The following C5orf52 variants were observed in gnomAD, a reference collection of about 807,000 sequenced individuals.
C5orf52 encodes chromosome 5 open reading frame 52.
C5orf52 carries 15 observed loss-of-function variants against 16.8 expected under a neutral mutation model. The ratio of observed to expected loss-of-function variants is 0.89; its 90% CI spans 0.60 to 1.38. C5orf52 has a LOEUF of 1.38. Ranked by LOEUF, C5orf52 falls within the 40% of genes most tolerant of loss-of-function variation. The pLI is 0.00. For missense variants in C5orf52, 206 were observed against 213.1 expected (o/e 0.97, Z 0.21); for synonymous variants, 83 against 87.2 (o/e 0.95, Z 0.27).
intron 2 of C5orf52, 98 bp downstream of exon 2, chr5:157,675,298 G>A: frequency 1.3e-6 from 1 of 759,646 alleles, no homozygotes; most frequent in Non-Finnish European, 2.2e-6. Flanking sequence ...GAGGTGATAG[G>A]GAGTCATCAA....
rs1397793406 is a variant in C5orf52, at chr5:157,675,103, C to T, written c.224C>T (p.Ser75Phe). Residue 75 changes from serine (S) to phenylalanine (F), a missense_variant, in exon 2 of 3, where the codon TCC (serine) becomes TTC (phenylalanine). Ser to Phe is a radical substitution (Grantham distance 155, BLOSUM62 -2). Transcript: ENST00000409999. ...QQPVLFSLMN[S>F]SEAAMKKTLP... ...CCTCCCTGCTCCAGCTTAATGAATT[C>T]CAGTGAAGCAGCGATGAAAAAAACT... 1 of 1,549,530 alleles carries T rather than the reference C, an allele frequency of 6.5e-7. No homozygotes were observed. Among genetic ancestry groups the T allele is most frequent in the East Asian group, 2.4e-5 (1 of 40,914 alleles).
At chr5:157,670,956 C>T (rs1301175876), upstream of C5orf52, among the ~76,000 whole-genome samples, 1 of 152,194 alleles carries the variant, frequency 6.6e-6, no homozygotes, top group East Asian at 1.9e-4. Flanking sequence ...GAGCGAGGCA[C>T]CACTTATAGG....
At chr5:157,679,543 G>T (rs1759968638) in intron 2 of C5orf52, among the ~76,000 whole-genome samples, 1 of 152,106 alleles carries the variant, frequency 6.6e-6, no homozygotes, top group African/African-American at 2.4e-5. Context: ...CACCTTGTTG[G>T]CCAGGCTGCT....
intron 2 of C5orf52, 84 bp from the exon 3 acceptor site, chr5:157,679,757 C>T (rs895683724): frequency 1.5e-6 from 2 of 1,306,990 alleles, no homozygotes; most frequent in African/African-American, 3.0e-5. Flanking sequence ...CCATCAGTAG[C>T]ACAGATGTCT....
chr5:157,677,352 G>T (rs1377531811), intron 2 of C5orf52, among the ~76,000 whole-genome samples: 1 of 152,176 alleles, frequency 6.6e-6, no homozygotes, highest in Non-Finnish European at 1.5e-5. Context: ...AGGCCAAAAA[G>T]CCTACTGTCA....
chr5:157,671,341 T>G, upstream of C5orf52: 2 of 485,794 alleles, frequency 4.1e-6, no homozygotes, highest in Non-Finnish European at 3.6e-6. Context: ...GCACCCCACT[T>G]CTTCCAGACC....
At chr5:157,673,789 C>T (rs1017762909) in intron 1 of C5orf52, among the ~76,000 whole-genome samples, 6 of 152,002 alleles carry the variant, frequency 3.9e-5, no homozygotes, top group East Asian at 1.9e-4. Flanking sequence ...GGATTACAGG[C>T]GCTCACCACC....
intron 2 of C5orf52, among the ~76,000 whole-genome samples, chr5:157,678,679 T>G (rs1759952908): frequency 6.6e-6 from 1 of 152,110 alleles, no homozygotes; most frequent in South Asian, 2.1e-4. Flanking sequence ...CAGGCTGATC[T>G]CAAACTCCTG....
chr5:157,673,168 T>C (rs901436353), intron 1 of C5orf52, among the ~76,000 whole-genome samples: 2 of 151,722 alleles, frequency 1.3e-5, no homozygotes, highest in African/African-American at 2.4e-5. Context: ...CGAAACCCTG[T>C]CTCTACCAAA....
chr5:157,671,659 C>G lies in C5orf52; in HGVS notation c.45C>G (p.Ser15=). 1 of 1,551,470 alleles carries G rather than the reference C, an allele frequency of 6.4e-7. No homozygotes were observed. The highest frequency in any genetic ancestry group is 1.2e-5 in the South Asian group (1 of 84,032). The change falls in exon 1 of 3, where the codon TCC becomes TCG. Residue 15 remains serine, a synonymous_variant. Coordinates refer to ENST00000409999, the MANE Select transcript of C5orf52 (RefSeq NM_001145132.2). Reference sequence around the variant, plus strand: ...CCTCGGTCACCTGTGACCAGGGATCCTCCACGATCGGCGGGACCGCCGCCC... The same window carrying G: ...CCTCGGTCACCTGTGACCAGGGATCGTCCACGATCGGCGGGACCGCCGCCC... ...TRPSVTCDQG[S]STIGGTAAQA... is the part of the protein sequence containing the mutation.
chr5:157,672,854 C>T (rs1405534153), intron 1 of C5orf52, among the ~76,000 whole-genome samples: 1 of 151,542 alleles, frequency 6.6e-6, no homozygotes, highest in African/African-American at 2.4e-5. Context: ...CGGGGTTTCA[C>T]CATGTTGGCC....
rs1370808719 is a variant in C5orf52 at position 157,680,113 on chromosome 5, C to T, written c.*114C>T. ...GAACTAGTAACTACAACCTACACAA[C>T]TGTAGAACAATAAACAGAAACCAGC... On this transcript the variant is annotated 3_prime_UTR_variant, in exon 3 of 3. Coordinates refer to ENST00000409999, the MANE Select transcript of C5orf52 (RefSeq NM_001145132.2). 1.1e-6 allele frequency: 1 copy of T among 932,968 alleles called. No individual in the cohort carries two copies. Among genetic ancestry groups the T allele is most frequent in the East Asian group, 2.6e-5 (1 of 37,786 alleles). The allele number at this position is 932,968 out of a possible 1,614,324, so 57.8% of individuals were successfully genotyped here. A position where few individuals can be genotyped will look rare whatever the true frequency, so the allele number is the denominator to read the frequency against.
intron 2 of C5orf52, among the ~76,000 whole-genome samples, chr5:157,676,027 A>G (rs1363207439): frequency 6.6e-6 from 1 of 151,854 alleles, no homozygotes; most frequent in Non-Finnish European, 1.5e-5. Context: ...CCAGAAACAC[A>G]CTCATTCTTT....
intron 1 of C5orf52, among the ~76,000 whole-genome samples, chr5:157,674,582 A>G (rs758966728): frequency 6.3e-4 from 96 of 152,268 alleles, no homozygotes; most frequent in Non-Finnish European, 7.5e-4. Context: ...AGCCTGTCCA[A>G]CATGGTGAAA....
intron 2 of C5orf52, among the ~76,000 whole-genome samples, chr5:157,678,868 T>A (rs1334742423): frequency 6.6e-6 from 1 of 151,904 alleles, no homozygotes; most frequent in Non-Finnish European, 1.5e-5. Flanking sequence ...GGCACGGTGG[T>A]TCATGCCTGT....
chr5:157,679,742 C>T, intron 2 of C5orf52, 99 bp from the exon 3 acceptor site: 2 of 1,161,662 alleles, frequency 1.7e-6, no homozygotes. Flanking sequence ...ACTTTTCCCA[C>T]TCCCCCATCA....
intron 1 of C5orf52, among the ~76,000 whole-genome samples, chr5:157,674,090 T>C (rs980710924): frequency 5.3e-5 from 8 of 152,136 alleles, no homozygotes; most frequent in African/African-American, 1.9e-4. Flanking sequence ...TTTGACCAAA[T>C]TGTTGTATTT....
At chr5:157,674,827 C>A (rs1352727773) in intron 1 of C5orf52, among the ~76,000 whole-genome samples, 1 of 152,144 alleles carries the variant, frequency 6.6e-6, no homozygotes, top group African/African-American at 2.4e-5. Context: ...TTCCTGATAA[C>A]CCTTCTCTTA....
chr5:157,674,773 C>A (rs747038859), intron 1 of C5orf52, among the ~76,000 whole-genome samples: 167 of 151,870 alleles, frequency 1.1e-3, no homozygotes, highest in Non-Finnish European at 2.1e-3. Context: ...CTCAAAAAAA[C>A]AAAAAACACA....
Sources: gnomAD v4.1 joint callset for allele counts (sites outside exome capture counted in the v4.1 genomes callset) on GRCh38, gnomAD v4.1.1 for gene constraint, MANE v1.5 for transcripts, NCBI Gene and HGNC (gene_info 2026-07-23, HGNC 2026-07-21) for gene names.